The following TNPO1 variants were observed in gnomAD, a reference collection of about 807,000 sequenced individuals.
TNPO1 encodes the protein transportin 1.
Under a neutral mutation model 119.5 loss-of-function variants are expected in TNPO1, and 8 were observed. The ratio of observed to expected loss-of-function variants is 0.07; its 90% CI spans 0.04 to 0.12. The LOEUF is 0.12. Among genes scored for constraint, TNPO1 ranks in the 10% least tolerant of loss-of-function variants. TNPO1 has a pLI of 1.00. For missense variants in TNPO1, 576 were observed against 1,089.8 expected, an observed-to-expected ratio of 0.53 and a Z score of 6.64; for synonymous variants, 362 against 363.0, an observed-to-expected ratio of 1.00 and a Z score of 0.03.
intron 1 of TNPO1, among the ~76,000 whole-genome samples, chr5:72,843,823 G>A (rs929904694): frequency 5.3e-5 from 8 of 152,144 alleles, no homozygotes; most frequent in Admixed American, 3.3e-4. Flanking sequence ...CAGATGGGGG[G>A]AAAATGCATC....
intron 22 of TNPO1, among the ~76,000 whole-genome samples, chr5:72,901,611 G>A (rs866062462): frequency 1.3e-5 from 2 of 152,220 alleles, no homozygotes; most frequent in Middle Eastern, 6.8e-3. Flanking sequence ...CAGTAGTATT[G>A]AACATGAGTC....
rs776104235 is a variant in TNPO1, at chr5:72,816,741, G to A, written c.4G>A (p.Val2Met). 1.9e-6 allele frequency: 3 copies of A among 1,585,932 alleles called. No homozygotes were observed. In the South Asian group the frequency reaches 3.5e-5, roughly 18 times the overall value. The change falls in exon 1 of 25, where the codon GTG (valine) becomes ATG (methionine). Residue 2 changes from valine (V) to methionine (M), a missense_variant. Physicochemically the swap from Val to Met is conservative, Grantham distance 21. Coordinates refer to ENST00000337273, the MANE Select transcript of TNPO1 (RefSeq NM_002270.4). ...CCGAGCGCCCGAGGCGTCTGGGATG[G>A]TGTGGGACCGGGTAGGTGGCGTGAG... MVWDRQTKMEYE... is the reference protein window; with the variant it reads MMWDRQTKMEYE...
chr5:72,828,120 G>A (rs1262297903), intron 1 of TNPO1, among the ~76,000 whole-genome samples: 5 of 152,116 alleles, frequency 3.3e-5, no homozygotes, highest in African/African-American at 1.2e-4. Context: ...GAGACAAAGA[G>A]CAGCCAGTGA....
chr5:72,882,379 G>A, intron 9 of TNPO1, 88 bp from the exon 10 acceptor site: 1 of 918,718 alleles, frequency 1.1e-6, no homozygotes, highest in African/African-American at 1.7e-5. Context: ...TTATCTCATT[G>A]GTTTTATTAG....
chr5:72,820,875 G>C (rs1424234265), intron 1 of TNPO1, among the ~76,000 whole-genome samples: 2 of 152,070 alleles, frequency 1.3e-5, no homozygotes, highest in East Asian at 3.8e-4. Flanking sequence ...TCTTTACCTG[G>C]ATGAGATATA....
At chr5:72,865,844 C>G (rs1457616038) in intron 6 of TNPO1, 115 bp downstream of exon 6, 1 of 1,115,080 alleles carries the variant, frequency 9.0e-7, no homozygotes. Flanking sequence ...ATTGGATGTT[C>G]CAGAGAGGTG....
chr5:72,846,480 T>A (rs1186338067), intron 1 of TNPO1, among the ~76,000 whole-genome samples: 1 of 152,178 alleles, frequency 6.6e-6, no homozygotes, highest in African/African-American at 2.4e-5. Flanking sequence ...GTAGAAAGAT[T>A]CACATAAAAC....
intron 18 of TNPO1, among the ~76,000 whole-genome samples, chr5:72,895,544 A>G (rs1242859545): frequency 6.6e-6 from 1 of 152,130 alleles, no homozygotes; most frequent in Admixed American, 6.5e-5. Flanking sequence ...TACAGGAGAC[A>G]GCTCCCCTTC....
chr5:72,842,168 T>C (rs1744944310), intron 1 of TNPO1, among the ~76,000 whole-genome samples: 1 of 152,236 alleles, frequency 6.6e-6, no homozygotes, highest in Non-Finnish European at 1.5e-5. Context: ...GATGGTGAAG[T>C]GTGATTTTAC....
intron 11 of TNPO1, among the ~76,000 whole-genome samples, chr5:72,886,432 G>A (rs2112435094): frequency 6.6e-6 from 1 of 152,270 alleles, no homozygotes; most frequent in African/African-American, 2.4e-5. Context: ...AATCATGATT[G>A]TAATATGAGT....
intron 1 of TNPO1, among the ~76,000 whole-genome samples, chr5:72,839,580 T>A (rs556319972): frequency 6.6e-6 from 1 of 152,214 alleles, no homozygotes; most frequent in South Asian, 2.1e-4. Flanking sequence ...TTAAATAGTA[T>A]GTTCTTATGT....
chr5:72,875,023 C>T (rs535270970), intron 7 of TNPO1, among the ~76,000 whole-genome samples: 1 of 152,254 alleles, frequency 6.6e-6, no homozygotes, highest in African/African-American at 2.4e-5. Context: ...TACTTAACTT[C>T]TATTAATTTA....
In TNPO1 at chr5:72,888,795, C is replaced by G. The variant is rs566088985; in HGVS notation, c.1529+492C>G. On this transcript the variant is annotated intron_variant, in intron 13 of 24. Transcript: ENST00000337273. ...AGAAAGTCCCACAGGGACCTGTGGTCTGTCACTTACCAGTTAAAGGTCTTT... is the reference window on the plus strand; with the variant it reads ...AGAAAGTCCCACAGGGACCTGTGGTGTGTCACTTACCAGTTAAAGGTCTTT... 2.6e-5 allele frequency among the ~76,000 whole-genome samples: 4 copies of G among 152,314 alleles called. 1 individual carries two copies. The highest frequency in any genetic ancestry group is 7.2e-5 in the African/African-American group (3 of 41,574).
At chr5:72,894,693 C>G (rs933247815) in intron 18 of TNPO1, among the ~76,000 whole-genome samples, 3 of 152,106 alleles carry the variant, frequency 2.0e-5, no homozygotes, top group Non-Finnish European at 2.9e-5. Context: ...TTTAATACTT[C>G]ATTTAAACCT....
Position 72,848,388 on chromosome 5 carries a change from AC to A in TNPO1, c.21del (p.Lys8ArgfsTer20). On this transcript the variant is annotated frameshift_variant, in exon 2 of 25. Transcript: ENST00000337273. LOFTEE classifies it high-confidence loss of function. Reference protein sequence around the residue: MVWDRQTKMEYEWKPDE... With the variant: MVWDRQXKMEYEWKPDE... The stretch of plus-strand genomic sequence containing the variant: ...CTGTGTCTGGCTTTATTTGCAGCAA[AC>A]CAAGATGGAGTATGAGTGGAAACCT... 6.2e-7 allele frequency: 1 copy of A among 1,610,706 alleles called. No homozygotes were observed. Among genetic ancestry groups the A allele is most frequent in the Non-Finnish European group, 8.5e-7 (1 of 1,178,194 alleles).
chr5:72,848,540 C>G, intron 2 of TNPO1, 42 bp downstream of exon 2: 3 of 1,356,700 alleles, frequency 2.2e-6, no homozygotes, highest in South Asian at 1.4e-5. Context: ...GCAGCTCGCC[C>G]CGCGCTGCGG....
In TNPO1 at chr5:72,906,275, C is replaced by CTTTTTTTTTTTTTTTTTTTTT. The variant is rs869051297; in HGVS notation, c.*35+848_*35+868dup. Among the ~76,000 whole-genome samples, 12 of 54,668 alleles carry CTTTTTTTTTTTTTTTTTTTTT rather than the reference C, an allele frequency of 2.2e-4. 3 individuals are homozygous for CTTTTTTTTTTTTTTTTTTTTT. The highest frequency in any genetic ancestry group is 5.4e-4 in the African/African-American group (8 of 14,692). 35.9% of individuals were successfully genotyped at this position (54,668 alleles called of 152,430 possible). A position where few individuals can be genotyped will look rare whatever the true frequency, so the allele number is the denominator to read the frequency against. On this transcript the variant is annotated intron_variant, in intron 24 of 24. Transcript: ENST00000337273. ...CCATGTGCCCATCACTTTTTTTTTT[C>CTTTTTTTTTTTTTTTTTTTTT]TTTTTTTTTTTTTTTTTTTTTTTTT...
At chr5:72,845,320 C>T (rs1251626623) in intron 1 of TNPO1, among the ~76,000 whole-genome samples, 1 of 152,036 alleles carries the variant, frequency 6.6e-6, no homozygotes, top group Non-Finnish European at 1.5e-5. Context: ...ATGTAGTTTA[C>T]TATTTAAATA....
At chr5:72,859,188 C>G (rs574977645) in intron 4 of TNPO1, among the ~76,000 whole-genome samples, 36 of 152,282 alleles carry the variant, frequency 2.4e-4, no homozygotes, top group Non-Finnish European at 4.4e-4. Context: ...ATGTAGGACT[C>G]TGTTCCTCTA....
Sources: gnomAD v4.1 joint callset for allele counts (sites outside exome capture counted in the v4.1 genomes callset) on GRCh38, gnomAD v4.1.1 for gene constraint, MANE v1.5 for transcripts, NCBI Gene and HGNC (gene_info 2026-07-23, HGNC 2026-07-21) for gene names.